CCDC170: variants seen among roughly 807,000 people sequenced by gnomAD.
CCDC170 encodes the protein coiled-coil domain-containing protein 170.
A neutral mutation model predicts 72.6 loss-of-function variants in CCDC170; 69 were observed. The ratio of observed to expected loss-of-function variants is 0.95; its 90% CI spans 0.78 to 1.16. CCDC170 has a LOEUF of 1.16. Among genes scored for constraint, CCDC170 ranks in the 50% most tolerant of loss-of-function variants. The pLI is 0.00. For synonymous variants in CCDC170, 300 were observed against 303.9 expected, an observed-to-expected ratio of 0.99 and a Z score of 0.13; for missense variants, 852 against 832.5, an observed-to-expected ratio of 1.02 and a Z score of -0.29.
intron 8 of CCDC170, among the ~76,000 whole-genome samples, chr6:151,593,499 T>C (rs1385049288): frequency 6.6e-6 from 1 of 152,212 alleles, no homozygotes; most frequent in Non-Finnish European, 1.5e-5. Flanking sequence ...GTACCCACAA[T>C]GGCAGTGACT....
chr6:151,535,742 T>C (rs1782564982), intron 1 of CCDC170, among the ~76,000 whole-genome samples: 1 of 152,034 alleles, frequency 6.6e-6, no homozygotes, highest in Non-Finnish European at 1.5e-5. Flanking sequence ...GGAAAATCTT[T>C]TTTTGTTTTT....
intron 1 of CCDC170, among the ~76,000 whole-genome samples, chr6:151,498,323 G>C (rs541176509): frequency 6.6e-6 from 1 of 152,274 alleles, no homozygotes; most frequent in East Asian, 1.9e-4. Context: ...ACTTAGAGCT[G>C]GTCATAGCTA....
In CCDC170 at chr6:151,494,199, C is replaced by A; in HGVS notation, c.57+14C>A. The A allele has an allele frequency of 6.7e-7, 1 of 1,500,406 alleles. No homozygotes were observed. The highest frequency in any genetic ancestry group is 8.9e-7 in the Non-Finnish European group (1 of 1,127,814). The allele number at this position is 1,500,406 out of a possible 1,614,324, so 92.9% of individuals were successfully genotyped here. A position where few individuals can be genotyped will look rare whatever the true frequency, so the allele number is the denominator to read the frequency against. On this transcript the variant is annotated intron_variant, in intron 1 of 10. Coordinates refer to ENST00000239374, the MANE Select transcript of CCDC170 (RefSeq NM_025059.4). ...CCAGCGCCCGAGGTACGGTCCCAGC[C>A]GCCGGCCGCGCGCGGGGGTGGCCCT...
Position 151,538,135 on chromosome 6 carries a change from A to G in CCDC170, c.277A>G (p.Arg93Gly). 1.2e-6 allele frequency: 2 copies of G among 1,614,058 alleles called. No homozygotes were observed. Among genetic ancestry groups the G allele is most frequent in the Non-Finnish European group, 1.7e-6 (2 of 1,179,960 alleles). The change falls in exon 3 of 11, where the codon AGA becomes GGA. Residue 93 changes from arginine to glycine, a missense_variant. By Grantham distance (125) the Arg-to-Gly change is moderately radical. Transcript: ENST00000239374. ...GGAGAGCTACAAGGAAAACAATGCC[A>G]GAAAATCATCTCTCCTTACCTCTTT... ...EMESYKENNA[R>G]KSSLLTSLRD...
intron 7 of CCDC170, among the ~76,000 whole-genome samples, chr6:151,591,372 G>A (rs7743432): frequency 0.47 from 71,499 of 151,978 alleles, 20,423 homozygotes; most frequent in East Asian, 0.8. Flanking sequence ...GATAAACCAC[G>A]GAAATCAAGC....
chr6:151,538,333 G>A (rs1319493412), intron 3 of CCDC170, 32 bp downstream of exon 3: 1 of 1,585,784 alleles, frequency 6.3e-7, no homozygotes, highest in Non-Finnish European at 8.6e-7. Flanking sequence ...TTTCGCTTTA[G>A]CTAGCATTAA....
At chr6:151,600,033 CG>C (rs1349250285) in intron 9 of CCDC170, among the ~76,000 whole-genome samples, 1 of 152,236 alleles carries the variant, frequency 6.6e-6, no homozygotes, top group African/African-American at 2.4e-5. Flanking sequence ...AAGAATTACT[CG>C]GGCCCCTACA....
intron 9 of CCDC170, among the ~76,000 whole-genome samples, chr6:151,610,634 T>C (rs915410557): frequency 6.6e-6 from 1 of 152,206 alleles, no homozygotes; most frequent in Non-Finnish European, 1.5e-5. Context: ...ATTGAGACAA[T>C]GCTCTGATGT....
intron 1 of CCDC170, among the ~76,000 whole-genome samples, chr6:151,500,718 A>G (rs993644113): frequency 1.3e-5 from 2 of 152,172 alleles, no homozygotes; most frequent in South Asian, 4.1e-4. Flanking sequence ...AATTTCATTC[A>G]TCAGGTAGTT....
intron 1 of CCDC170, among the ~76,000 whole-genome samples, chr6:151,505,829 G>A (rs1464165880): frequency 6.6e-6 from 1 of 152,208 alleles, no homozygotes; most frequent in African/African-American, 2.4e-5. Context: ...GGTCATGGTG[G>A]CTCATGCTTA....
chr6:151,594,288 A>C (rs996150668), intron 8 of CCDC170, among the ~76,000 whole-genome samples: 1 of 152,150 alleles, frequency 6.6e-6, no homozygotes, highest in Admixed American at 6.6e-5. Context: ...CCTTGAACAG[A>C]TTATATACCT....
chr6:151,563,484 G>T (rs1213698867), intron 5 of CCDC170, among the ~76,000 whole-genome samples: 1 of 152,264 alleles, frequency 6.6e-6, no homozygotes, highest in African/African-American at 2.4e-5. Flanking sequence ...GCTCCTTGGG[G>T]CCTACGAGTC....
chr6:151,523,888 T>C (rs1384123), intron 1 of CCDC170, among the ~76,000 whole-genome samples: 19,717 of 152,214 alleles, frequency 0.13, 1,433 homozygotes, highest in Middle Eastern at 0.2. Flanking sequence ...TATTGGTCTC[T>C]TTGTGTGAGT....
intron 1 of CCDC170, among the ~76,000 whole-genome samples, chr6:151,507,918 CAA>C (rs11432845): frequency 6.6e-5 from 8 of 122,018 alleles, no homozygotes; most frequent in African/African-American, 1.1e-4. Context: ...AGCTCCATCT[CAA>C]AAAAAAAAAA....
intron 5 of CCDC170, among the ~76,000 whole-genome samples, chr6:151,565,330 C>T (rs923129645): frequency 3.9e-5 from 6 of 152,144 alleles, no homozygotes; most frequent in African/African-American, 1.2e-4. Context: ...TGCCATTGTG[C>T]GGTCTGCAGA....
chr6:151,589,271 C>CAA (rs1554225412), intron 7 of CCDC170, among the ~76,000 whole-genome samples: 1 of 46,410 alleles, frequency 2.2e-5, no homozygotes, highest in African/African-American at 4.3e-5. Context: ...AACAAACAAA[C>CAA]AAACAAACAC....
At chr6:151,595,129 T>A (rs1433577454) in intron 8 of CCDC170, among the ~76,000 whole-genome samples, 1 of 152,214 alleles carries the variant, frequency 6.6e-6, no homozygotes, top group Non-Finnish European at 1.5e-5. Flanking sequence ...GCAGAGTAGA[T>A]AATTAGGGGA....
chr6:151,593,628 A>G (rs148794171), intron 8 of CCDC170, among the ~76,000 whole-genome samples: 84 of 152,306 alleles, frequency 5.5e-4, no homozygotes, highest in Non-Finnish European at 9.8e-4. Flanking sequence ...TCAAGGAACC[A>G]GGCTCATTTC....
Position 151,573,306 on chromosome 6 carries a change from T to C in CCDC170, c.907T>C (p.Ser303Pro). 2 of 1,614,138 alleles carry C rather than the reference T, an allele frequency of 1.2e-6. No individual in the cohort carries two copies. Among genetic ancestry groups the C allele is most frequent in the South Asian group, 2.2e-5 (2 of 91,088 alleles). The change falls in exon 6 of 11, where the codon TCT becomes CCT. Residue 303 changes from serine to proline, a missense_variant. Coordinates refer to ENST00000239374, the MANE Select transcript of CCDC170 (RefSeq NM_025059.4). ...QEVSLLKKSS[S>P]ELEKSLKASQ... Reference sequence around the variant, plus strand: ...AGTGAGCCTCCTGAAGAAAAGCTCTTCTGAGTTGGAGAAGAGTTTGAAGGC... The same window carrying C: ...AGTGAGCCTCCTGAAGAAAAGCTCTCCTGAGTTGGAGAAGAGTTTGAAGGC...
Sources: gnomAD v4.1 joint callset for allele counts (sites outside exome capture counted in the v4.1 genomes callset) on GRCh38, gnomAD v4.1.1 for gene constraint, MANE v1.5 for transcripts, NCBI Gene and HGNC (gene_info 2026-07-23, HGNC 2026-07-21) for gene names.